Variants in TSHZ2 observed in about 807,000 individuals in gnomAD.
The protein encoded by TSHZ2 is teashirt zinc finger homeobox 2.
Under a neutral mutation model 74.4 loss-of-function variants are expected in TSHZ2, and 21 were observed. That is an observed-to-expected ratio of 0.28 (90% CI 0.20 to 0.41). TSHZ2 has a LOEUF of 0.41. TSHZ2 is among the 10% of genes least tolerant of loss of function. The pLI, the probability that TSHZ2 is intolerant of heterozygous loss-of-function variation, is 1.00. For synonymous variants in TSHZ2, 540 were observed against 515.3 expected, an observed-to-expected ratio of 1.05 and a Z score of -0.65; for missense variants, 1,244 against 1,293.5, an observed-to-expected ratio of 0.96 and a Z score of 0.59.
intron 1 of TSHZ2, among the ~76,000 whole-genome samples, chr20:53,209,835 A>T (rs1989257423): frequency 6.6e-6 from 1 of 152,152 alleles, no homozygotes; most frequent in African/African-American, 2.4e-5. Flanking sequence ...ATGGCTTTGA[A>T]CGCATGGACC....
intron 1 of TSHZ2, among the ~76,000 whole-genome samples, chr20:53,154,690 C>T (rs904582748): frequency 6.6e-6 from 1 of 152,178 alleles, no homozygotes; most frequent in Non-Finnish European, 1.5e-5. Context: ...GCTTGAGTCA[C>T]ACACTTCCCG....
chr20:53,072,562 T>C (rs548172103), intron 1 of TSHZ2, among the ~76,000 whole-genome samples: 19 of 152,346 alleles, frequency 1.2e-4, no homozygotes, highest in African/African-American at 4.6e-4. Context: ...ATCTAAATAA[T>C]GTCTTGTTTC....
rs564438939 is a variant in TSHZ2, at chr20:53,074,707, A to G, written c.40+101374A>G. On this transcript the variant is annotated intron_variant, in intron 1 of 2. Coordinates refer to ENST00000371497, the MANE Select transcript of TSHZ2 (RefSeq NM_173485.6). The surrounding 1 kb of genome is among the most constrained non-coding windows in gnomAD (Gnocchi z 5.9). The stretch of plus-strand genomic sequence containing the variant: ...TAATTATTTTTAACTATAGATACTA[A>G]TTATAGTCTGAATTTTAAAGAAAAA... Among the ~76,000 whole-genome samples, 20 of 152,348 alleles carry G rather than the reference A, an allele frequency of 1.3e-4. No individual in the cohort carries two copies. In the South Asian group the frequency reaches 3.7e-3, roughly 28 times the overall value.
In TSHZ2 at chr20:53,254,696, C is replaced by G. The variant is rs1990423397; in HGVS notation, c.1238C>G (p.Ser413Cys). 3 of 1,614,152 alleles carry G rather than the reference C, an allele frequency of 1.9e-6. No individual in the cohort carries two copies. The highest frequency in any genetic ancestry group is 2.5e-6 in the Non-Finnish European group (3 of 1,180,038). Reference protein sequence around the residue: ...GHFLKVTSSASKKGKQLVLDP... With the variant: ...GHFLKVTSSACKKGKQLVLDP... The stretch of plus-strand genomic sequence containing the variant: ...TTTCTCAAGGTCACCAGCTCTGCCT[C>G]CAAGAAAGGGAAGCAGCTGGTATTA... The change falls in exon 2 of 3, where the codon TCC becomes TGC. Residue 413 changes from serine (S) to cysteine (C), a missense_variant. Ser to Cys is a moderately radical substitution (Grantham distance 112, BLOSUM62 -1). Around this residue, in one of 6 missense-constraint regions of TSHZ2, gnomAD observed 562 missense variants for 544.0 expected, o/e 1.03. Transcript: ENST00000371497.
In TSHZ2 at chr20:53,255,891, C is replaced by T; in HGVS notation, c.2433C>T (p.Ala811=). 6.2e-7 allele frequency: 1 copy of T among 1,613,868 alleles called. No individual in the cohort carries two copies. The highest frequency in any genetic ancestry group is 8.5e-7 in the Non-Finnish European group (1 of 1,179,856). ...VLPKATTPKP[A]SSSRVPPMKL... is the part of the protein sequence containing the mutation. ...CCAAAGCCACCACCCCAAAGCCAGC[C>T]TCCTCCTCCAGGGTCCCCCCCATGA... Residue 811 remains alanine, a synonymous_variant, in exon 2 of 3, where the codon GCC becomes GCT. Transcript: ENST00000371497. This position sits in a 1 kb window ranked among gnomAD's most constrained non-coding sequence, Gnocchi z 4.1.
At chr20:53,055,699 T>C (rs1984617415) in intron 1 of TSHZ2, among the ~76,000 whole-genome samples, 1 of 152,210 alleles carries the variant, frequency 6.6e-6, no homozygotes, top group Non-Finnish European at 1.5e-5. Context: ...ACTGACATGT[T>C]ACCTCTTTAA....
At chr20:53,441,245 ATTTT>A (rs1177813317) in intron 2 of TSHZ2, among the ~76,000 whole-genome samples, 36 of 145,682 alleles carry the variant, frequency 2.5e-4, no homozygotes, top group African/African-American at 9.1e-4. Context: ...ATTTTATTTT[ATTTT>A]ATTTTATTTT....
chr20:53,286,633 C>G (rs1450772934), intron 2 of TSHZ2, among the ~76,000 whole-genome samples: 2 of 152,098 alleles, frequency 1.3e-5, no homozygotes, highest in African/African-American at 4.8e-5. Flanking sequence ...ACCTGTAATC[C>G]CAGCACTTTG....
chr20:53,253,539 A>C lies in TSHZ2; in HGVS notation c.81A>C (p.Ile27=), dbSNP rs1438976098. The change falls in exon 2 of 3, where the codon ATA becomes ATC. Residue 27 remains isoleucine, a synonymous_variant. Coordinates refer to ENST00000371497, the MANE Select transcript of TSHZ2 (RefSeq NM_173485.6). ...AACAGCTGAAAGAAGAGGAGGAAAT[A>C]AAAGAAGAGGAGGAGGAGGAGGACA... ...QEEQLKEEEE[I]KEEEEEEDSG... The C allele has an allele frequency of 6.2e-7, 1 of 1,612,940 alleles. No homozygotes were observed.
intron 1 of TSHZ2, among the ~76,000 whole-genome samples, chr20:53,181,380 C>T (rs551818555): frequency 3.3e-5 from 5 of 152,262 alleles, no homozygotes; most frequent in African/African-American, 1.2e-4. Context: ...ATATTTACTC[C>T]ACAAACAACA....
At chr20:53,448,745 T>A (rs1984657011) in intron 2 of TSHZ2, among the ~76,000 whole-genome samples, 2 of 152,236 alleles carry the variant, frequency 1.3e-5, no homozygotes, top group South Asian at 4.2e-4. Context: ...AACAAGAAGG[T>A]TTAACTCAGT....
chr20:53,337,203 A>C (rs1001391049), intron 2 of TSHZ2, among the ~76,000 whole-genome samples: 2 of 152,214 alleles, frequency 1.3e-5, no homozygotes, highest in African/African-American at 2.4e-5. Context: ...CAACGGATTG[A>C]ATTCTCCCTG....
intron 1 of TSHZ2, among the ~76,000 whole-genome samples, chr20:53,216,294 T>C (rs759100948): frequency 2.0e-5 from 3 of 152,136 alleles, no homozygotes; most frequent in Non-Finnish European, 2.9e-5. Context: ...AGCCAAGCCA[T>C]TGTTGGCTCC....
In TSHZ2 at chr20:53,022,176, C is replaced by T. The variant is rs571692935; in HGVS notation, c.40+48843C>T. Among the ~76,000 whole-genome samples the T allele has an allele frequency of 8.4e-4, 128 of 152,244 alleles. 2 individuals are homozygous for T. Among genetic ancestry groups the T allele is most frequent in the Admixed American group, 5.6e-3 (86 of 15,288 alleles). On this transcript the variant is annotated intron_variant, in intron 1 of 2. Transcript: ENST00000371497. ...GGATGAGTCACAGAGCCTTTGTTCTCTAACAAGAAAGCAGATACATTCATC... is the reference window on the plus strand; with the variant it reads ...GGATGAGTCACAGAGCCTTTGTTCTTTAACAAGAAAGCAGATACATTCATC...
intron 1 of TSHZ2, among the ~76,000 whole-genome samples, chr20:53,227,789 G>A (rs147895845): frequency 6.6e-6 from 1 of 152,200 alleles, no homozygotes; most frequent in East Asian, 1.9e-4. Context: ...AGTTGAACTT[G>A]AATGGATCTG....
At chr20:53,131,198 C>T (rs922891423) in intron 1 of TSHZ2, among the ~76,000 whole-genome samples, 2 of 152,092 alleles carry the variant, frequency 1.3e-5, no homozygotes, top group African/African-American at 4.8e-5. Context: ...AAGAAAGTCA[C>T]CAGGACATCT....
chr20:53,292,164 T>C (rs1991291523), intron 2 of TSHZ2, among the ~76,000 whole-genome samples: 1 of 152,146 alleles, frequency 6.6e-6, no homozygotes, highest in African/African-American at 2.4e-5. Context: ...CTTCGGTCCA[T>C]TCATCTAGGA....
At chr20:53,308,426 C>T (rs1978638196) in intron 2 of TSHZ2, among the ~76,000 whole-genome samples, 1 of 152,056 alleles carries the variant, frequency 6.6e-6, no homozygotes, top group South Asian at 2.1e-4. Context: ...TGGGGGAAAG[C>T]AGGGCGTCTC....
intron 1 of TSHZ2, among the ~76,000 whole-genome samples, chr20:53,211,363 G>A (rs1989299794): frequency 6.6e-6 from 1 of 152,148 alleles, no homozygotes; most frequent in Admixed American, 6.5e-5. Flanking sequence ...CAGGGTCCCT[G>A]GCTCCATTAA....
Sources: allele counts gnomAD v4.1 joint callset (sites outside exome capture counted in the v4.1 genomes callset), GRCh38; gene constraint gnomAD v4.1.1; regional missense constraint gnomAD v4.1.1; non-coding constraint Gnocchi (gnomAD v3.1); transcripts MANE v1.5; gene names NCBI Gene and HGNC (gene_info 2026-07-23, HGNC 2026-07-21).